The following NECTIN3 variants were observed in gnomAD, a reference collection of about 807,000 sequenced individuals.
NECTIN3 encodes the protein nectin cell adhesion molecule 3.
In NECTIN3, 8 loss-of-function variants were observed where a neutral mutation model predicts 49.4. The ratio of observed to expected loss-of-function variants is 0.16; its 90% confidence interval spans 0.10 to 0.29. The LOEUF (loss-of-function observed/expected upper bound fraction) is 0.29, where lower values mean the gene tolerates loss of function less well. Ranked by LOEUF, NECTIN3 falls within the 10% of genes least tolerant of loss-of-function variation. NECTIN3 has a pLI of 1.00. For synonymous variants in NECTIN3, 277 were observed against 241.1 expected (o/e 1.15, Z -1.38); for missense variants, 581 against 654.6 (o/e 0.89, Z 1.23).
chr3:111,106,402 G>A lies in NECTIN3; in HGVS notation c.161-5628G>A, dbSNP rs190976927. Among the ~76,000 whole-genome samples the A allele has an allele frequency of 2.0e-5, 3 of 152,288 alleles. No individual in the cohort carries two copies. The East Asian group carries it at 5.8e-4, about 29-fold the overall frequency. ...ATTATCATTTCTAATTATGACATGA[G>A]ATGAAGTTAGAGATTCTTTGATAAT... On this transcript the variant is annotated intron_variant, in intron 1 of 5. Coordinates refer to ENST00000485303, the MANE Select transcript of NECTIN3 (RefSeq NM_015480.3).
chr3:111,148,143 A>G (rs1176297984), intron 7 of NECTIN3, among the ~76,000 whole-genome samples: 1 of 152,190 alleles, frequency 6.6e-6, no homozygotes, highest in East Asian at 1.9e-4. Context: ...CTGGGGTTGT[A>G]TAACCTCTGG....
rs1326481556 is a variant in NECTIN3 at position 111,122,375 on chromosome 3, T to TTCCCCACCTG, written c.917+147_917+156dup. 13 of 630,302 alleles carry TTCCCCACCTG rather than the reference T, an allele frequency of 2.1e-5. No homozygotes were observed. In the East Asian group the frequency reaches 3.9e-4, roughly 19 times the overall value. The allele number at this position is 630,302 out of a possible 1,614,324, so 39.0% of individuals were successfully genotyped here. ...TTTAATTAAATTTTCTGTCTTATCCTTCCCCACCTGTCCCCACCTTCCTAC... is the reference window on the plus strand; with the variant it reads ...TTTAATTAAATTTTCTGTCTTATCCTTCCCCACCTGTCCCCACCTGTCCCCACCTTCCTAC... On this transcript the variant is annotated intron_variant, in intron 4 of 5. Transcript: ENST00000485303.
At chr3:111,084,122 C>A (rs1466207535) in intron 1 of NECTIN3, among the ~76,000 whole-genome samples, 4 of 151,982 alleles carry the variant, frequency 2.6e-5, no homozygotes, top group African/African-American at 7.2e-5. Flanking sequence ...ATGGAAGACA[C>A]TTCTTTCTAC....
At chr3:111,099,661 CA>C (rs1010890009) in intron 1 of NECTIN3, among the ~76,000 whole-genome samples, 10 of 152,108 alleles carry the variant, frequency 6.6e-5, no homozygotes, top group Admixed American at 2.6e-4. Context: ...CTACGTGTCT[CA>C]AACAAAAATT....
intron 4 of NECTIN3, among the ~76,000 whole-genome samples, chr3:111,124,939 A>G (rs1030223582): frequency 1.3e-5 from 2 of 152,038 alleles, no homozygotes; most frequent in African/African-American, 4.8e-5. Flanking sequence ...GAATAAGTGA[A>G]TAAACTTTTT....
At chr3:111,088,306 C>T (rs2032052609) in intron 1 of NECTIN3, among the ~76,000 whole-genome samples, 1 of 152,146 alleles carries the variant, frequency 6.6e-6, no homozygotes, top group African/African-American at 2.4e-5. Flanking sequence ...TTGCCTTCTG[C>T]CATGCCAAAA....
At chr3:111,182,123 TACAA>T (rs2035636804) in intron 7 of NECTIN3, among the ~76,000 whole-genome samples, 1 of 152,110 alleles carries the variant, frequency 6.6e-6, no homozygotes, top group African/African-American at 2.4e-5. Context: ...AAGTATATTT[TACAA>T]ACATTTTGAA....
At chr3:111,111,942 G>A (rs1468340465) in intron 1 of NECTIN3, 88 bp from the exon 2 acceptor site, 1 of 702,998 alleles carries the variant, frequency 1.4e-6, no homozygotes, top group East Asian at 2.7e-5. Flanking sequence ...TGTAGCTAGA[G>A]ATAGTTACAC....
intron 5 of NECTIN3, among the ~76,000 whole-genome samples, chr3:111,144,632 A>G (rs2034830495): frequency 6.6e-6 from 1 of 151,932 alleles, no homozygotes; most frequent in Non-Finnish European, 1.5e-5. Flanking sequence ...GGTACTCTTT[A>G]CATATCGAGA....
intron 7 of NECTIN3, among the ~76,000 whole-genome samples, chr3:111,148,863 A>T (rs1052011467): frequency 2.0e-5 from 3 of 152,032 alleles, no homozygotes; most frequent in African/African-American, 7.2e-5. Context: ...GTTTTTATGT[A>T]GTAAAAATCT....
At chr3:111,100,467 T>A (rs896442920) in intron 1 of NECTIN3, among the ~76,000 whole-genome samples, 1 of 152,138 alleles carries the variant, frequency 6.6e-6, no homozygotes, top group Non-Finnish European at 1.5e-5. Context: ...ATAAGGTGTG[T>A]ATGAAACATA....
rs138503072 is a variant in NECTIN3, at chr3:111,127,199, T to G, written c.1069+864T>G. ...AATAAATAGTTAAGGGTTTTATCTT[T>G]GTTCAGATCTAAAACTAGATAAATT... is the stretch of plus-strand genomic sequence containing the variant. On this transcript the variant is annotated intron_variant, in intron 5 of 5. Coordinates refer to ENST00000485303, the MANE Select transcript of NECTIN3 (RefSeq NM_015480.3). Among the ~76,000 whole-genome samples the G allele has an allele frequency of 7.9e-5, 12 of 152,328 alleles. No homozygotes were observed. In the East Asian group the frequency reaches 2.1e-3, roughly 27 times the overall value.
rs182425297 is a variant in NECTIN3 at position 111,077,948 on chromosome 3, G to C, written c.160+5771G>C. On this transcript the variant is annotated intron_variant, in intron 1 of 5. Coordinates refer to ENST00000485303, the MANE Select transcript of NECTIN3 (RefSeq NM_015480.3). ...CATTTAAAAAGTGAAGAAGAAATAG[G>C]TGAAATTAATCTTATTTTATTTAAC... Among the ~76,000 whole-genome samples the C allele has an allele frequency of 6.5e-4, 99 of 152,202 alleles. No individual in the cohort carries two copies. In the East Asian group the frequency reaches 0.018, roughly 27 times the overall value.
intron 7 of NECTIN3, among the ~76,000 whole-genome samples, chr3:111,172,432 A>C (rs954493385): frequency 3.3e-5 from 5 of 152,326 alleles, no homozygotes; most frequent in Non-Finnish European, 5.9e-5. Context: ...CTACTTTTAC[A>C]CATTTAAAGT....
At chr3:111,167,425 GT>G (rs1300024735) in intron 7 of NECTIN3, among the ~76,000 whole-genome samples, 1 of 152,104 alleles carries the variant, frequency 6.6e-6, no homozygotes, top group Non-Finnish European at 1.5e-5. Context: ...AACACTAGCT[GT>G]TCCTGAGTAA....
At chr3:111,147,668 C>T (rs2034907606) in intron 7 of NECTIN3, among the ~76,000 whole-genome samples, 1 of 152,076 alleles carries the variant, frequency 6.6e-6, no homozygotes, top group Admixed American at 6.5e-5. Flanking sequence ...TAAGTTTTAA[C>T]ATGCTCAGTC....
chr3:111,144,372 T>C (rs920349049), intron 5 of NECTIN3, among the ~76,000 whole-genome samples: 27 of 151,952 alleles, frequency 1.8e-4, no homozygotes, highest in African/African-American at 5.8e-4. Context: ...AGTCCTGTTT[T>C]AATATTAATA....
At chr3:111,113,486 C>A (rs1270781288) in intron 2 of NECTIN3, among the ~76,000 whole-genome samples, 5 of 152,114 alleles carry the variant, frequency 3.3e-5, no homozygotes, top group African/African-American at 1.2e-4. Context: ...TATAGGACAG[C>A]AATTTTGTCC....
chr3:111,129,207 A>G (rs1441022901), intron 5 of NECTIN3, among the ~76,000 whole-genome samples: 2 of 151,962 alleles, frequency 1.3e-5, no homozygotes, highest in African/African-American at 2.4e-5. Flanking sequence ...ACCTTTTTCA[A>G]TGAGGTCTTC....
Sources: gnomAD v4.1 joint callset for allele counts (sites outside exome capture counted in the v4.1 genomes callset) on GRCh38, gnomAD v4.1.1 for gene constraint, MANE v1.5 for transcripts, NCBI Gene and HGNC (gene_info 2026-07-23, HGNC 2026-07-21) for gene names.